HS6ST3: variants seen among roughly 807,000 people sequenced by gnomAD.
The protein encoded by HS6ST3 is heparan-sulfate 6-O-sulfotransferase 3.
HS6ST3 carries 12 observed loss-of-function variants against 36.7 expected under a neutral mutation model. The ratio of observed to expected loss-of-function variants is 0.33; its 90% confidence interval spans 0.21 to 0.53. The LOEUF is 0.53. HS6ST3 is among the 20% of genes least tolerant of loss of function. The pLI, the probability that HS6ST3 is intolerant of heterozygous loss-of-function variation, is 0.95. For missense variants in HS6ST3, 584 were observed against 640.9 expected (o/e 0.91, Z 0.96); for synonymous variants, 240 against 257.5 (o/e 0.93, Z 0.65).
chr13:96,813,985 T>C (rs1379566758), intron 1 of HS6ST3, among the ~76,000 whole-genome samples: 2 of 152,234 alleles, frequency 1.3e-5, no homozygotes, highest in Non-Finnish European at 2.9e-5. Context: ...ATGGAGAGAA[T>C]AATTCTATGA....
chr13:96,736,200 A>G (rs1876280935), intron 1 of HS6ST3, among the ~76,000 whole-genome samples: 1 of 152,140 alleles, frequency 6.6e-6, no homozygotes, highest in Non-Finnish European at 1.5e-5. Context: ...ATACCCACAC[A>G]TCCTGCACGT....
chr13:96,596,829 T>A (rs1290019682), intron 1 of HS6ST3, among the ~76,000 whole-genome samples: 1 of 152,130 alleles, frequency 6.6e-6, no homozygotes, highest in African/African-American at 2.4e-5. Context: ...ATCTCATCAC[T>A]AAATGTATAC....
intron 1 of HS6ST3, among the ~76,000 whole-genome samples, chr13:96,521,337 T>G (rs548126834): frequency 6.6e-6 from 1 of 152,308 alleles, no homozygotes; most frequent in East Asian, 1.9e-4. Context: ...TCTGCCAGGC[T>G]TTGGTATTAG....
intron 1 of HS6ST3, among the ~76,000 whole-genome samples, chr13:96,813,754 C>T (rs1337282342): frequency 6.6e-6 from 1 of 152,180 alleles, no homozygotes; most frequent in African/African-American, 2.4e-5. Flanking sequence ...AAACAACATA[C>T]ATAATGTGAC....
chr13:96,671,540 T>C (rs2056682745), intron 1 of HS6ST3, among the ~76,000 whole-genome samples: 2 of 152,228 alleles, frequency 1.3e-5, no homozygotes, highest in South Asian at 4.2e-4. Flanking sequence ...CAGACATGTA[T>C]TTTTCTCACA....
chr13:96,220,808 A>G (rs1464216445), intron 1 of HS6ST3, among the ~76,000 whole-genome samples: 2 of 151,996 alleles, frequency 1.3e-5, no homozygotes, highest in African/African-American at 4.8e-5. Context: ...CAATGTCATG[A>G]TTTTCTCATT....
intron 1 of HS6ST3, among the ~76,000 whole-genome samples, chr13:96,489,326 A>G (rs967443327): frequency 2.6e-5 from 4 of 151,920 alleles, no homozygotes; most frequent in African/African-American, 7.2e-5. Flanking sequence ...ATCAAGACAC[A>G]CAATAAACTC....
At chr13:96,294,933 AT>A (rs1452048537) in intron 1 of HS6ST3, among the ~76,000 whole-genome samples, 2 of 152,148 alleles carry the variant, frequency 1.3e-5, no homozygotes, top group Non-Finnish European at 2.9e-5. Context: ...CCTTAATAGC[AT>A]TGCTATAATT....
intron 1 of HS6ST3, among the ~76,000 whole-genome samples, chr13:96,712,782 A>C (rs1296125337): frequency 6.6e-6 from 1 of 152,090 alleles, no homozygotes; most frequent in Admixed American, 6.6e-5. Flanking sequence ...CTCCCTACAC[A>C]CCCAGTTCAT....
At chr13:96,167,544 C>G (rs1279201072) in intron 1 of HS6ST3, among the ~76,000 whole-genome samples, 1 of 152,162 alleles carries the variant, frequency 6.6e-6, no homozygotes, top group Non-Finnish European at 1.5e-5. Flanking sequence ...GAGGTCAGAT[C>G]ATGTGCAGAA....
intron 1 of HS6ST3, among the ~76,000 whole-genome samples, chr13:96,315,225 A>G (rs952431240): frequency 1.8e-4 from 28 of 152,290 alleles, no homozygotes; most frequent in Admixed American, 1.3e-3. Context: ...TTTCTCTAAG[A>G]TCTTGACAAC....
intron 1 of HS6ST3, among the ~76,000 whole-genome samples, chr13:96,128,841 T>C (rs1426437111): frequency 2.6e-5 from 4 of 151,968 alleles, no homozygotes; most frequent in Non-Finnish European, 4.4e-5. Context: ...AAAGTATTTT[T>C]TTTTCCCCTG....
chr13:96,811,962 G>T (rs1214594072), intron 1 of HS6ST3, among the ~76,000 whole-genome samples: 2 of 152,140 alleles, frequency 1.3e-5, no homozygotes, highest in African/African-American at 2.4e-5. Flanking sequence ...GGGTGGTAAC[G>T]TTAGAATCAG....
chr13:96,424,173 A>C (rs569379539), intron 1 of HS6ST3, among the ~76,000 whole-genome samples: 1 of 152,312 alleles, frequency 6.6e-6, no homozygotes, highest in Admixed American at 6.5e-5. Context: ...ATCACCAAAC[A>C]AACGAATTCC....
intron 1 of HS6ST3, among the ~76,000 whole-genome samples, chr13:96,203,123 T>G (rs1189826930): frequency 4.6e-5 from 7 of 152,208 alleles, no homozygotes; most frequent in African/African-American, 1.7e-4. Context: ...GACCTCTCAC[T>G]TTCCATTTTA....
chr13:96,613,109 G>T (rs1302770111), intron 1 of HS6ST3, among the ~76,000 whole-genome samples: 1 of 152,086 alleles, frequency 6.6e-6, no homozygotes, highest in Non-Finnish European at 1.5e-5. Context: ...CCATTCTCTT[G>T]CTTTGCTTAC....
chr13:96,370,790 G>A (rs1030356070), intron 1 of HS6ST3, among the ~76,000 whole-genome samples: 1 of 152,062 alleles, frequency 6.6e-6, no homozygotes, highest in Non-Finnish European at 1.5e-5. Flanking sequence ...TAGGCTACTC[G>A]GGAGGCTGGG....
intron 1 of HS6ST3, among the ~76,000 whole-genome samples, chr13:96,526,744 G>A (rs1026228537): frequency 6.6e-6 from 1 of 152,094 alleles, no homozygotes; most frequent in African/African-American, 2.4e-5. Flanking sequence ...ATATCATTAG[G>A]TATGGGAGAA....
chr13:96,300,478 A>T (rs2054876987), intron 1 of HS6ST3, among the ~76,000 whole-genome samples: 1 of 152,116 alleles, frequency 6.6e-6, no homozygotes, highest in Admixed American at 6.6e-5. Context: ...AACACTGGGG[A>T]TTACAATTAA....
Sources: allele counts gnomAD v4.1 joint callset (sites outside exome capture counted in the v4.1 genomes callset), GRCh38; gene constraint gnomAD v4.1.1; transcripts MANE v1.5; gene names NCBI Gene and HGNC (gene_info 2026-07-23, HGNC 2026-07-21).